Variants in MLLT10 observed in about 807,000 individuals in gnomAD.
MLLT10 encodes MLLT10 histone lysine methyltransferase DOT1L cofactor.
MLLT10 carries 30 observed loss-of-function variants against 129.1 expected under a neutral mutation model. The ratio of observed to expected loss-of-function variants is 0.23; its 90% confidence interval spans 0.17 to 0.32. The LOEUF (loss-of-function observed/expected upper bound fraction) is 0.32. Among genes scored for constraint, MLLT10 ranks in the 10% least tolerant of loss-of-function variants. MLLT10 has a pLI of 1.00. For missense variants in MLLT10, 1,119 were observed against 1,268.3 expected, an observed-to-expected ratio of 0.88 and a Z score of 1.79; for synonymous variants, 490 against 446.4, an observed-to-expected ratio of 1.10 and a Z score of -1.23.
intron 9 of MLLT10, among the ~76,000 whole-genome samples, chr10:21,665,216 G>A (rs1438636880): frequency 6.6e-6 from 1 of 150,828 alleles, no homozygotes; most frequent in Non-Finnish European, 1.5e-5. Context: ...AAAGTGTTGG[G>A]ATTACAGGCG....
intron 5 of MLLT10, among the ~76,000 whole-genome samples, chr10:21,609,645 T>A (rs2044397898): frequency 6.6e-6 from 1 of 152,164 alleles, no homozygotes; most frequent in Non-Finnish European, 1.5e-5. Flanking sequence ...ACTCTGTTAA[T>A]CTTCTGGCTG....
intron 7 of MLLT10, among the ~76,000 whole-genome samples, chr10:21,616,432 A>G (rs1258481716): frequency 2.0e-5 from 3 of 152,086 alleles, no homozygotes; most frequent in African/African-American, 7.2e-5. Context: ...GTTTACACCA[A>G]TTCGATGTGG....
chr10:21,713,984 G>A (rs757472644), intron 14 of MLLT10, 34 bp downstream of exon 14: 25 of 1,551,228 alleles, frequency 1.6e-5, no homozygotes, highest in Non-Finnish European at 2.2e-5. Flanking sequence ...ACAGGTAATA[G>A]GTGGGTTTCT....
intron 8 of MLLT10, among the ~76,000 whole-genome samples, chr10:21,636,297 A>AT (rs2047451095): frequency 6.6e-6 from 1 of 151,742 alleles, no homozygotes; most frequent in Admixed American, 6.6e-5. Flanking sequence ...AAGTTTTTAT[A>AT]TTTTTTGTAG....
chr10:21,655,895 G>A (rs763774268), intron 9 of MLLT10, among the ~76,000 whole-genome samples: 4 of 152,130 alleles, frequency 2.6e-5, no homozygotes, highest in Non-Finnish European at 4.4e-5. Context: ...CCTTGTTCTC[G>A]GAGCACAGTG....
chr10:21,538,739 A>G (rs986545548), intron 2 of MLLT10, 94 bp from the exon 3 acceptor site: 20 of 819,686 alleles, frequency 2.4e-5, no homozygotes, highest in Non-Finnish European at 3.8e-5. Context: ...TTACTTGAAT[A>G]GTGACAGGTG....
intron 3 of MLLT10, among the ~76,000 whole-genome samples, chr10:21,539,412 CTTTTTTTTTT>C (rs370995933): frequency 1.7e-5 from 2 of 120,714 alleles, no homozygotes; most frequent in Admixed American, 8.3e-5. Context: ...ACATAAAAAT[CTTTTTTTTTT>C]TTTTTTTTTT....
chr10:21,599,727 C>G (rs2043342644), intron 5 of MLLT10, among the ~76,000 whole-genome samples: 1 of 152,040 alleles, frequency 6.6e-6, no homozygotes, highest in African/African-American at 2.4e-5. Context: ...TCACACCCGG[C>G]TAAGTTTTTT....
chr10:21,542,932 G>C (rs1431908478), intron 3 of MLLT10, among the ~76,000 whole-genome samples: 1 of 151,922 alleles, frequency 6.6e-6, no homozygotes, highest in East Asian at 1.9e-4. Flanking sequence ...AACATCATTT[G>C]GTGGGATGTG....
At chr10:21,666,537 T>A (rs865832494) in intron 9 of MLLT10, among the ~76,000 whole-genome samples, 4 of 151,790 alleles carry the variant, frequency 2.6e-5, no homozygotes, top group Middle Eastern at 3.4e-3. Flanking sequence ...GTGGCAGGTG[T>A]CTGTAGTCCC....
chr10:21,643,896 T>G (rs1425212654), intron 8 of MLLT10, among the ~76,000 whole-genome samples: 3 of 152,320 alleles, frequency 2.0e-5, no homozygotes, highest in African/African-American at 7.2e-5. Flanking sequence ...ATTATCTCTG[T>G]TTTTTATACC....
At chr10:21,741,033 T>C (rs79020526) in intron 22 of MLLT10, among the ~76,000 whole-genome samples, 5,047 of 152,324 alleles carry the variant, frequency 0.033, 132 homozygotes, top group Middle Eastern at 0.065. Flanking sequence ...CAGTGTTTGC[T>C]GTTTCCCGTT....
intron 13 of MLLT10, among the ~76,000 whole-genome samples, chr10:21,698,490 T>C (rs1023731629): frequency 1.3e-5 from 2 of 152,232 alleles, no homozygotes; most frequent in Non-Finnish European, 2.9e-5. Flanking sequence ...CTGAGGTTGA[T>C]TCCATATCTT....
At chr10:21,571,731 A>G (rs1251012201) in intron 3 of MLLT10, among the ~76,000 whole-genome samples, 1 of 152,176 alleles carries the variant, frequency 6.6e-6, no homozygotes, top group African/African-American at 2.4e-5. Flanking sequence ...TGTGTTGACC[A>G]TTCGTGTGTT....
intron 5 of MLLT10, among the ~76,000 whole-genome samples, chr10:21,609,078 A>G (rs1205302464): frequency 1.3e-5 from 2 of 152,202 alleles, no homozygotes; most frequent in African/African-American, 4.8e-5. Flanking sequence ...TTCCAATAGT[A>G]TACAACCTCA....
chr10:21,626,038 A>G, intron 8 of MLLT10: 1 of 1,328,262 alleles, frequency 7.5e-7, no homozygotes, highest in East Asian at 2.3e-5. Flanking sequence ...TCAGAGTATA[A>G]TCATTTCTCT....
intron 21 of MLLT10, among the ~76,000 whole-genome samples, chr10:21,738,938 T>G (rs967027445): frequency 6.6e-6 from 1 of 152,158 alleles, no homozygotes; most frequent in East Asian, 1.9e-4. Context: ...TCTCTGGAGC[T>G]TCAAGCTCCT....
chr10:21,570,354 T>A (rs887214628), intron 3 of MLLT10, among the ~76,000 whole-genome samples: 4 of 152,228 alleles, frequency 2.6e-5, no homozygotes, highest in Admixed American at 2.6e-4. Flanking sequence ...ATTACAGGCA[T>A]GAGCCACTGC....
intron 3 of MLLT10, among the ~76,000 whole-genome samples, chr10:21,585,469 T>C (rs2041902223): frequency 6.6e-6 from 1 of 152,210 alleles, no homozygotes; most frequent in Admixed American, 6.5e-5. Context: ...AATAACTGAT[T>C]ATCCTAATTC....
Sources: allele counts gnomAD v4.1 joint callset (sites outside exome capture counted in the v4.1 genomes callset), GRCh38; gene constraint gnomAD v4.1.1; transcripts MANE v1.5; gene names NCBI Gene and HGNC (gene_info 2026-07-23, HGNC 2026-07-21).